ATR: variants seen among roughly 807,000 people sequenced by gnomAD.
The protein encoded by ATR is ATR checkpoint kinase, also known as serine/threonine-protein kinase ATR.
In ATR, 142 loss-of-function variants were observed where a neutral mutation model predicts 305.3. The observed-to-expected ratio is 0.47, with a 90% confidence interval of 0.41 to 0.53. The LOEUF (loss-of-function observed/expected upper bound fraction) is 0.53. Ranked by LOEUF, ATR falls within the 20% of genes least tolerant of loss-of-function variation. The pLI is 0.00. For missense variants in ATR, 2,135 were observed against 3,133.1 expected (o/e 0.68, Z 7.60); for synonymous variants, 1,050 against 1,068.1 (o/e 0.98, Z 0.33).
chr3:142,537,692 C>T (rs1033177274), intron 19 of ATR, among the ~76,000 whole-genome samples: 3 of 151,962 alleles, frequency 2.0e-5, no homozygotes, highest in South Asian at 2.1e-4. Flanking sequence ...ACTTCAATCC[C>T]AACTTTTCAC....
intron 1 of ATR, among the ~76,000 whole-genome samples, chr3:142,576,393 A>G (rs1022063491): frequency 2.6e-5 from 4 of 152,200 alleles, no homozygotes; most frequent in Admixed American, 2.6e-4. Context: ...CAGCATATGG[A>G]TGACATTTAA....
intron 8 of ATR, 97 bp downstream of exon 8, chr3:142,558,527 T>TAAAA: frequency 3.8e-6 from 1 of 259,900 alleles, no homozygotes. Flanking sequence ...GTCTCAAAAA[T>TAAAA]AAATAAATAA....
At chr3:142,528,875 ATATATTTTTT>A (rs1316584976) in intron 21 of ATR, among the ~76,000 whole-genome samples, 2 of 46,632 alleles carry the variant, frequency 4.3e-5, no homozygotes, top group African/African-American at 2.8e-4. Flanking sequence ...ATATATATAT[ATATATTTTTT>A]TTTTTTTTTT....
intron 2 of ATR, among the ~76,000 whole-genome samples, chr3:142,567,328 G>A (rs1343012687): frequency 1.3e-5 from 2 of 152,132 alleles, no homozygotes; most frequent in African/African-American, 4.8e-5. Context: ...GAGGGGAAGG[G>A]CAAGTAGTCT....
intron 35 of ATR, among the ~76,000 whole-genome samples, chr3:142,489,572 C>G (rs2031158195): frequency 1.3e-5 from 2 of 152,258 alleles, no homozygotes; most frequent in Admixed American, 1.3e-4. Context: ...AGCATATAGT[C>G]TTTTATGTCC....
At chr3:142,561,026 A>C (rs1182548566) in intron 5 of ATR, among the ~76,000 whole-genome samples, 1 of 152,254 alleles carries the variant, frequency 6.6e-6, no homozygotes, top group East Asian at 1.9e-4. Flanking sequence ...TTAGATAAGC[A>C]TATAAAAACA....
intron 42 of ATR, among the ~76,000 whole-genome samples, chr3:142,461,576 A>C (rs1482146136): frequency 6.6e-6 from 1 of 152,178 alleles, no homozygotes; most frequent in African/African-American, 2.4e-5. Context: ...CCTTTCTCCA[A>C]TAGTGAGAAA....
At chr3:142,457,456 T>C in intron 45 of ATR, 148 bp downstream of exon 45, 1 of 912,010 alleles carries the variant, frequency 1.1e-6, no homozygotes, top group Non-Finnish European at 1.6e-6. Context: ...GAATTTATGG[T>C]ATATAAATTA....
chr3:142,472,760 C>A (rs553003980), intron 36 of ATR, among the ~76,000 whole-genome samples: 1 of 152,284 alleles, frequency 6.6e-6, no homozygotes, highest in East Asian at 1.9e-4. Context: ...GCCTCAGCCT[C>A]CTGAGCAGCT....
chr3:142,563,659 A>C (rs999651769), intron 3 of ATR, among the ~76,000 whole-genome samples: 9 of 152,182 alleles, frequency 5.9e-5, no homozygotes, highest in African/African-American at 1.9e-4. Flanking sequence ...AATAACCCTT[A>C]CAATGGCCTC....
intron 24 of ATR, among the ~76,000 whole-genome samples, chr3:142,518,456 G>GA (rs988508490): frequency 1.3e-5 from 2 of 152,224 alleles, no homozygotes; most frequent in Non-Finnish European, 2.9e-5. Flanking sequence ...GGTAGAGGCT[G>GA]CAGTGAGCTG....
At chr3:142,534,937 T>A in intron 21 of ATR, 143 bp downstream of exon 21, 1 of 933,336 alleles carries the variant, frequency 1.1e-6, no homozygotes, top group Non-Finnish European at 1.6e-6. Flanking sequence ...GGATTCCTAA[T>A]TCTCAGTCAG....
At chr3:142,510,562 T>C (rs1281556038) in intron 27 of ATR, among the ~76,000 whole-genome samples, 1 of 152,178 alleles carries the variant, frequency 6.6e-6, no homozygotes, top group African/African-American at 2.4e-5. Flanking sequence ...CAGGTAATTA[T>C]TGGCAAGTCC....
intron 36 of ATR, among the ~76,000 whole-genome samples, chr3:142,479,519 C>T (rs995531583): frequency 4.6e-5 from 7 of 152,126 alleles, no homozygotes; most frequent in African/African-American, 1.4e-4. Context: ...CTGCCCTTAA[C>T]GTTCGTTCCT....
chr3:142,473,943 T>C (rs2071366515), intron 36 of ATR, among the ~76,000 whole-genome samples: 2 of 23,338 alleles, frequency 8.6e-5, no homozygotes, highest in African/African-American at 8.7e-4. Context: ...GTTATTGGAT[T>C]TTTTTTTTTT....
rs377134163 is a variant in ATR at position 142,553,854 on chromosome 3, A to C, written c.2503T>G (p.Leu835Val). The change falls in exon 11 of 47, where the codon TTG becomes GTG. Residue 835 changes from leucine (L) to valine (V), a missense_variant. Leu to Val is a conservative substitution (Grantham distance 32, BLOSUM62 1). Around this residue, in one of 9 missense-constraint regions of ATR, gnomAD observed 530 missense variants for 766.8 expected, o/e 0.69. Coordinates refer to ENST00000350721, the MANE Select transcript of ATR (RefSeq NM_001184.4). The stretch of plus-strand genomic sequence containing the variant: ...TTTATAAATCCATCTTCAGAGTCCA[A>C]GGATTCCAATATGTGCTTGATATTT... ...SGNIKHILES[L>V]DSEDGFIKEL... is the part of the protein sequence containing the mutation. 16 of 1,613,484 alleles carry C rather than the reference A, an allele frequency of 9.9e-6. No homozygotes were observed. The highest frequency in any genetic ancestry group is 1.6e-4 in the Middle Eastern group (1 of 6,074).
chr3:142,512,570 A>G (rs2108373294), intron 26 of ATR, 100 bp from the exon 27 acceptor site: 1 of 1,041,380 alleles, frequency 9.6e-7, no homozygotes, highest in South Asian at 2.1e-5. Flanking sequence ...AATTTTCAAA[A>G]GAAAAAACAC....
intron 4 of ATR, 86 bp downstream of exon 4, chr3:142,562,146 T>C: frequency 7.4e-7 from 1 of 1,359,978 alleles, no homozygotes; most frequent in South Asian, 1.3e-5. Flanking sequence ...ATATTCTATT[T>C]TCTTATTATT....
intron 36 of ATR, among the ~76,000 whole-genome samples, chr3:142,475,908 T>G (rs2071429413): frequency 1.3e-5 from 2 of 152,224 alleles, no homozygotes. Flanking sequence ...TTTTGAGAAG[T>G]GTCTGTTATA....
Sources: gnomAD v4.1 joint callset for allele counts (sites outside exome capture counted in the v4.1 genomes callset) on GRCh38, gnomAD v4.1.1 for gene constraint, gnomAD v4.1.1 regional missense constraint, MANE v1.5 for transcripts, NCBI Gene and HGNC (gene_info 2026-07-23, HGNC 2026-07-21) for gene names.